The following FOXP1 variants were observed in gnomAD, a reference collection of about 807,000 sequenced individuals.
The protein encoded by FOXP1 is forkhead box P1, also known as forkhead box protein P1.
A neutral mutation model predicts 98.2 loss-of-function variants in FOXP1; 15 were observed. The ratio of observed to expected loss-of-function variants is 0.15; its 90% CI spans 0.10 to 0.24. FOXP1 has a LOEUF of 0.24. Ranked by LOEUF, FOXP1 falls within the 10% of genes least tolerant of loss-of-function variation. The probability of loss-of-function intolerance (pLI) is 1.00; values close to 1 mark genes in which losing one functional copy is unlikely to be tolerated. For missense variants in FOXP1, 633 were observed against 848.5 expected (o/e 0.75, Z 3.15); for synonymous variants, 371 against 314.5 (o/e 1.18, Z -1.90).
intron 5 of FOXP1, among the ~76,000 whole-genome samples, chr3:71,239,268 G>T (rs923344096): frequency 6.6e-6 from 1 of 152,088 alleles, no homozygotes; most frequent in African/African-American, 2.4e-5. Flanking sequence ...AGCTGCCCAG[G>T]CACGGTGGCT....
At chr3:71,033,951 G>A (rs1303201056) in intron 11 of FOXP1, among the ~76,000 whole-genome samples, 1 of 152,100 alleles carries the variant, frequency 6.6e-6, no homozygotes, top group African/African-American at 2.4e-5. Flanking sequence ...GATAGACATG[G>A]GACAGGTGAT....
At chr3:71,117,710 G>T (rs2058472775) in intron 6 of FOXP1, among the ~76,000 whole-genome samples, 1 of 152,172 alleles carries the variant, frequency 6.6e-6, no homozygotes, top group African/African-American at 2.4e-5. Context: ...TAACTTAAAA[G>T]GTCCAATCCC....
At chr3:71,306,992 G>A (rs185890040) in intron 4 of FOXP1, among the ~76,000 whole-genome samples, 1 of 152,224 alleles carries the variant, frequency 6.6e-6, no homozygotes, top group African/African-American at 2.4e-5. Flanking sequence ...TCAGCTTATG[G>A]AATCAACTCA....
chr3:71,150,831 TTTG>T (rs1294264471), intron 6 of FOXP1, among the ~76,000 whole-genome samples: 3 of 152,080 alleles, frequency 2.0e-5, no homozygotes, highest in Non-Finnish European at 2.9e-5. Context: ...ATGGCGGTGT[TTTG>T]TTGTCTACCC....
At chr3:71,139,662 T>C (rs1427130233) in intron 6 of FOXP1, among the ~76,000 whole-genome samples, 1 of 151,944 alleles carries the variant, frequency 6.6e-6, no homozygotes, top group Non-Finnish European at 1.5e-5. Context: ...TCTATGGATG[T>C]CACTGCTTTG....
At chr3:71,191,036 G>A (rs1000471103) in intron 6 of FOXP1, among the ~76,000 whole-genome samples, 14 of 152,162 alleles carry the variant, frequency 9.2e-5, no homozygotes, top group Admixed American at 9.2e-4. Context: ...TGTCATAAAA[G>A]CAGTCACCTT....
chr3:71,366,659 T>C (rs893068249), intron 3 of FOXP1, among the ~76,000 whole-genome samples: 2 of 152,238 alleles, frequency 1.3e-5, no homozygotes, highest in Admixed American at 6.5e-5. Context: ...AAGAAACATT[T>C]TGCACATTTC....
intron 3 of FOXP1, among the ~76,000 whole-genome samples, chr3:71,433,446 G>T (rs915227579): frequency 3.9e-5 from 6 of 152,130 alleles, no homozygotes; most frequent in African/African-American, 1.2e-4. Flanking sequence ...AACTTTACGG[G>T]TTCAACCATG....
chr3:71,055,671 T>C (rs1318310650), intron 7 of FOXP1, among the ~76,000 whole-genome samples: 1 of 152,192 alleles, frequency 6.6e-6, no homozygotes, highest in Non-Finnish European at 1.5e-5. Context: ...CAGAAGAAAC[T>C]TTTCGGATTT....
chr3:71,022,532 G>A (rs1000363932), intron 11 of FOXP1, among the ~76,000 whole-genome samples: 1 of 152,200 alleles, frequency 6.6e-6, no homozygotes, highest in Admixed American at 6.5e-5. Context: ...TTTGTGTACT[G>A]AAAAACCTTT....
intron 7 of FOXP1, among the ~76,000 whole-genome samples, chr3:71,096,126 C>T (rs1224970556): frequency 1.3e-5 from 2 of 152,214 alleles, no homozygotes; most frequent in African/African-American, 4.8e-5. Flanking sequence ...CTATAGATGG[C>T]TTGCATTGCT....
At chr3:71,264,475 A>G (rs191648005) in intron 5 of FOXP1, among the ~76,000 whole-genome samples, 6 of 152,348 alleles carry the variant, frequency 3.9e-5, no homozygotes, top group Non-Finnish European at 7.3e-5. Flanking sequence ...TGATATCAGG[A>G]ATGGAGAGCC....
chr3:71,290,218 C>T (rs530549519), intron 5 of FOXP1, among the ~76,000 whole-genome samples: 1 of 152,156 alleles, frequency 6.6e-6, no homozygotes, highest in African/African-American at 2.4e-5. Flanking sequence ...GCACCACCTT[C>T]TATCAGTTCC....
intron 20 of FOXP1, 74 bp from the exon 21 acceptor site, chr3:70,959,465 G>A (rs1210123446): frequency 6.4e-7 from 1 of 1,573,920 alleles, no homozygotes; most frequent in African/African-American, 1.4e-5. Flanking sequence ...GAAAAGTTTG[G>A]GGCAACAGAA....
At chr3:71,522,237 T>C (rs1463094701) in intron 2 of FOXP1, among the ~76,000 whole-genome samples, 1 of 152,166 alleles carries the variant, frequency 6.6e-6, no homozygotes, top group Non-Finnish European at 1.5e-5. Flanking sequence ...CTGTCCACGC[T>C]GGGACATCCA....
chr3:71,205,168 C>G (rs1315890345), intron 5 of FOXP1, among the ~76,000 whole-genome samples: 1 of 152,116 alleles, frequency 6.6e-6, no homozygotes. Flanking sequence ...TACTACAGTC[C>G]TGGTCTGATA....
In FOXP1 at chr3:71,299,816, T is replaced by C. The variant is rs1206100185; in HGVS notation, c.-12+4A>G. On this transcript the variant is annotated splice_donor_region_variant and intron_variant, in intron 5 of 20. Transcript: ENST00000649528. ...ATAACTTCACTAATCACATTTGCAT[T>C]TACCTTTTTTGGCTTCTGTAAAGCA... 1 of 152,666 alleles carries C rather than the reference T, an allele frequency of 6.6e-6. No homozygotes were observed. The highest frequency in any genetic ancestry group is 1.5e-5 in the Non-Finnish European group (1 of 68,044). 9.5% of individuals were successfully genotyped at this position (152,666 alleles called of 1,614,324 possible).
chr3:71,049,225 C>T (rs528931038), intron 9 of FOXP1, among the ~76,000 whole-genome samples: 1 of 152,260 alleles, frequency 6.6e-6, no homozygotes, highest in East Asian at 1.9e-4. Flanking sequence ...GTCTGTTTTC[C>T]TTTCTTCGGC....
At chr3:71,517,910 A>G (rs752693760) in intron 2 of FOXP1, among the ~76,000 whole-genome samples, 7 of 152,228 alleles carry the variant, frequency 4.6e-5, no homozygotes, top group Non-Finnish European at 7.3e-5. Flanking sequence ...CCGCTGGCAT[A>G]TAAGTGTCAT....
Sources: allele counts gnomAD v4.1 joint callset (sites outside exome capture counted in the v4.1 genomes callset), GRCh38; gene constraint gnomAD v4.1.1; transcripts MANE v1.5; gene names NCBI Gene and HGNC (gene_info 2026-07-23, HGNC 2026-07-21).